Variants in RNGTT observed in about 807,000 individuals in gnomAD.
The protein encoded by RNGTT is mRNA-capping enzyme.
In RNGTT, 33 loss-of-function variants were observed where a neutral mutation model predicts 79.3. That is an observed-to-expected ratio of 0.42 (90% CI 0.32 to 0.56). The LOEUF is 0.56. Among genes scored for constraint, RNGTT ranks in the 20% least tolerant of loss-of-function variants. The probability of loss-of-function intolerance (pLI) is 0.17; values close to 1 mark genes in which losing one functional copy is unlikely to be tolerated. For missense variants in RNGTT, 497 were observed against 739.1 expected, an observed-to-expected ratio of 0.67 and a Z score of 3.80; for synonymous variants, 222 against 235.9, an observed-to-expected ratio of 0.94 and a Z score of 0.54.
At chr6:88,834,978 T>C (rs189260408) in intron 11 of RNGTT, among the ~76,000 whole-genome samples, 4 of 152,288 alleles carry the variant, frequency 2.6e-5, no homozygotes, top group African/African-American at 9.6e-5. Context: ...ACCTTTGTAA[T>C]TGTCTATTTA....
chr6:88,765,879 C>CA lies in RNGTT; in HGVS notation c.1439+3894dup, dbSNP rs145523400. On this transcript the variant is annotated intron_variant, in intron 13 of 15. Transcript: ENST00000369485. ...TGTTTAACAGTTATGACAAATTACACAAAAAAGCTAAAGATATATGCATTT... is the reference window on the plus strand; with the variant it reads ...TGTTTAACAGTTATGACAAATTACACAAAAAAAGCTAAAGATATATGCATTT... Among the ~76,000 whole-genome samples the CA allele has an allele frequency of 9.8e-3, 1,485 of 151,982 alleles. 17 individuals carry two copies. The highest frequency in any genetic ancestry group is 0.034 in the African/African-American group (1,394 of 41,472).
At chr6:88,877,715 C>A (rs1782561604) in intron 8 of RNGTT, among the ~76,000 whole-genome samples, 1 of 152,084 alleles carries the variant, frequency 6.6e-6, no homozygotes, top group East Asian at 1.9e-4. Flanking sequence ...TCTTTTTAAA[C>A]CAATTTACCA....
At chr6:88,621,995 G>A (rs1186349473) in intron 14 of RNGTT, among the ~76,000 whole-genome samples, 1 of 152,030 alleles carries the variant, frequency 6.6e-6, no homozygotes, top group Non-Finnish European at 1.5e-5. Flanking sequence ...AACTTTAAAT[G>A]ACCAATCTAC....
rs754371694 is a variant in RNGTT, at chr6:88,678,344, C to T, written c.1506+9G>A. ...CCAGGAAAAGTACACTGAAAATGAA[C>T]AAACATACCTTGATTTGTGCAAAGG... On this transcript the variant is annotated intron_variant, in intron 14 of 15. Coordinates refer to ENST00000369485, the MANE Select transcript of RNGTT (RefSeq NM_003800.5). 6.3e-7 allele frequency: 1 copy of T among 1,585,776 alleles called. No individual in the cohort carries two copies. The highest frequency in any genetic ancestry group is 1.7e-5 in the Admixed American group (1 of 57,824).
chr6:88,751,231 G>A (rs1207133688), intron 13 of RNGTT, among the ~76,000 whole-genome samples: 2 of 152,110 alleles, frequency 1.3e-5, no homozygotes, highest in Non-Finnish European at 2.9e-5. Flanking sequence ...GTAATTTACA[G>A]TTAATTTATT....
chr6:88,873,724 AT>A lies in RNGTT; in HGVS notation c.896+16770del, dbSNP rs1402601815. 7.2e-5 allele frequency among the ~76,000 whole-genome samples: 11 copies of A among 152,226 alleles called. No individual in the cohort carries two copies. In the East Asian group the frequency reaches 2.1e-3, roughly 29 times the overall value. Reference sequence around the variant, plus strand: ...TCTACAATGAATACAAATGACTTTTATAATGGGGAAACACATTTTTAAGACA... The same window carrying A: ...TCTACAATGAATACAAATGACTTTTAAATGGGGAAACACATTTTTAAGACA... On this transcript the variant is annotated intron_variant, in intron 8 of 15. Transcript: ENST00000369485.
At chr6:88,847,339 G>A (rs931125208) in intron 10 of RNGTT, among the ~76,000 whole-genome samples, 4 of 151,820 alleles carry the variant, frequency 2.6e-5, no homozygotes, top group African/African-American at 4.8e-5. Flanking sequence ...AAAGATGATC[G>A]ATGCTGAGAG....
chr6:88,668,496 T>C (rs1774504674), intron 14 of RNGTT, among the ~76,000 whole-genome samples: 1 of 152,226 alleles, frequency 6.6e-6, no homozygotes, highest in Non-Finnish European at 1.5e-5. Context: ...CATGGAGGAC[T>C]GTACCCAGTG....
intron 2 of RNGTT, among the ~76,000 whole-genome samples, chr6:88,930,096 G>A (rs909688098): frequency 8.8e-5 from 10 of 113,432 alleles, no homozygotes; most frequent in East Asian, 2.1e-4. Flanking sequence ...ATACATATAC[G>A]TATATACATA....
chr6:88,705,329 T>A (rs1011980648), intron 13 of RNGTT, among the ~76,000 whole-genome samples: 5 of 151,692 alleles, frequency 3.3e-5, no homozygotes, highest in Non-Finnish European at 7.4e-5. Context: ...ACCAGTGGTA[T>A]AATGTCAGTC....
At chr6:88,646,260 A>C (rs1352047173) in intron 14 of RNGTT, among the ~76,000 whole-genome samples, 3 of 152,176 alleles carry the variant, frequency 2.0e-5, no homozygotes, top group South Asian at 4.1e-4. Flanking sequence ...CATCACTGGC[A>C]ATCAGAGAAA....
At chr6:88,941,254 T>C (rs1484556784) in intron 1 of RNGTT, 74 bp from the exon 2 acceptor site, 4 of 1,050,686 alleles carry the variant, frequency 3.8e-6, no homozygotes, top group Non-Finnish European at 5.8e-6. Flanking sequence ...TTAACAATTC[T>C]CAAATATCAC....
chr6:88,839,235 G>T (rs1000256387), intron 11 of RNGTT, among the ~76,000 whole-genome samples: 1 of 151,376 alleles, frequency 6.6e-6, no homozygotes, highest in Non-Finnish European at 1.5e-5. Context: ...ATACTGTCAA[G>T]TTTTTTTTAA....
intron 14 of RNGTT, among the ~76,000 whole-genome samples, chr6:88,668,603 A>G (rs1476424021): frequency 3.3e-5 from 5 of 152,242 alleles, no homozygotes; most frequent in African/African-American, 1.2e-4. Context: ...GGATCTGCTT[A>G]TATAATGCCA....
chr6:88,920,162 T>A (rs1034817103), intron 4 of RNGTT, among the ~76,000 whole-genome samples: 2 of 152,092 alleles, frequency 1.3e-5, no homozygotes, highest in African/African-American at 4.8e-5. Context: ...GCAAAAAAAA[T>A]TAATGCAGTT....
chr6:88,675,066 C>A (rs1436918845), intron 14 of RNGTT, among the ~76,000 whole-genome samples: 1 of 151,018 alleles, frequency 6.6e-6, no homozygotes, highest in African/African-American at 2.4e-5. Flanking sequence ...CCACTGCACT[C>A]CAGCCTGGGT....
chr6:88,883,197 C>T (rs918795368), intron 8 of RNGTT, among the ~76,000 whole-genome samples: 1 of 137,398 alleles, frequency 7.3e-6, no homozygotes, highest in African/African-American at 2.8e-5. Flanking sequence ...AAAAAAAAAT[C>T]GAAGTGCATT....
intron 4 of RNGTT, among the ~76,000 whole-genome samples, chr6:88,909,069 A>G (rs940110322): frequency 6.6e-6 from 1 of 152,216 alleles, no homozygotes; most frequent in African/African-American, 2.4e-5. Flanking sequence ...CTCAGAATAC[A>G]GAGAAGAGTG....
chr6:88,671,563 A>G (rs1456371739), intron 14 of RNGTT, among the ~76,000 whole-genome samples: 1 of 152,194 alleles, frequency 6.6e-6, no homozygotes, highest in Non-Finnish European at 1.5e-5. Context: ...AATTCCCATA[A>G]AAATACCATC....
Sources: gnomAD v4.1 joint callset for allele counts (sites outside exome capture counted in the v4.1 genomes callset) on GRCh38, gnomAD v4.1.1 for gene constraint, MANE v1.5 for transcripts, NCBI Gene and HGNC (gene_info 2026-07-23, HGNC 2026-07-21) for gene names.